The following PKIG variants were observed in gnomAD, a reference collection of about 807,000 sequenced individuals.
PKIG encodes the protein protein kinase (cAMP-dependent, catalytic) inhibitor gamma.
A neutral mutation model predicts 6.8 loss-of-function variants in PKIG; 1 was observed. That is an observed-to-expected ratio of 0.15 (90% CI 0.05 to 0.69). The LOEUF is 0.69. Among genes scored for constraint, PKIG ranks in the 30% least tolerant of loss-of-function variants. PKIG has a pLI of 0.82. For synonymous variants in PKIG, 39 were observed against 43.0 expected, an observed-to-expected ratio of 0.91 and a Z score of 0.36; for missense variants, 77 against 104.0, an observed-to-expected ratio of 0.74 and a Z score of 1.13.
intron 1 of PKIG, among the ~76,000 whole-genome samples, chr20:44,562,335 G>T (rs528620886): frequency 1.3e-5 from 2 of 152,212 alleles, no homozygotes; most frequent in African/African-American, 4.8e-5. Context: ...ATGAAAAAGA[G>T]GGGGCTGGGC....
In PKIG at chr20:44,554,227, A is replaced by G. The variant is rs138174352; in HGVS notation, c.-241+22249A>G. Among the ~76,000 whole-genome samples the G allele has an allele frequency of 8.8e-3, 1,337 of 151,634 alleles. 18 individuals are homozygous for G. Among genetic ancestry groups the G allele is most frequent in the East Asian group, 0.027 (141 of 5,156 alleles). ...CCAGTACCTGGGATTACAGGCACACACCACCATGCCTGGCTAATTTTTTTT... is the reference window on the plus strand; with the variant it reads ...CCAGTACCTGGGATTACAGGCACACGCCACCATGCCTGGCTAATTTTTTTT... On this transcript the variant is annotated intron_variant, in intron 1 of 4. Coordinates refer to the PKIG transcript ENST00000372887.
At chr20:44,546,965 T>C (rs1396479239) in intron 1 of PKIG, among the ~76,000 whole-genome samples, 1 of 152,232 alleles carries the variant, frequency 6.6e-6, no homozygotes, top group Non-Finnish European at 1.5e-5. Context: ...TTCAAACTTT[T>C]CTTTTTATAA....
At chr20:44,581,378 A>G (rs1438365088), upstream of PKIG, among the ~76,000 whole-genome samples, 1 of 152,226 alleles carries the variant, frequency 6.6e-6, no homozygotes, top group Non-Finnish European at 1.5e-5. Context: ...CCTAAAACAG[A>G]GGCACTAGTA....
intron 1 of PKIG, among the ~76,000 whole-genome samples, chr20:44,538,048 G>C (rs1318559618): frequency 2.0e-5 from 3 of 152,076 alleles, no homozygotes; most frequent in Non-Finnish European, 4.4e-5. Flanking sequence ...CCTTTTGAGA[G>C]AAAAAGGACA....
intron 1 of PKIG, among the ~76,000 whole-genome samples, chr20:44,533,191 T>G (rs1203620612): frequency 6.6e-6 from 1 of 152,202 alleles, no homozygotes; most frequent in Non-Finnish European, 1.5e-5. Flanking sequence ...TGTGACAGTG[T>G]GTGCGTGTAT....
At position 44,566,929 on chromosome 20, in the gene PKIG, T is replaced by C. The variant is rs558103828; in HGVS notation, c.-240-15656T>C. On this transcript the variant is annotated intron_variant, in intron 1 of 4. Transcript: ENST00000372887. ...CCACAAATCAGTTGTAACCCATAGG[T>C]ACATGAATAGGCATGTTCCATTCAT... is the stretch of plus-strand genomic sequence containing the variant. 2.5e-4 allele frequency among the ~76,000 whole-genome samples: 38 copies of C among 152,346 alleles called. 1 individual carries two copies. Among genetic ancestry groups the C allele is most frequent in the East Asian group, 1.2e-3 (6 of 5,192 alleles).
intron 1 of PKIG, among the ~76,000 whole-genome samples, chr20:44,539,513 T>C (rs1316688807): frequency 6.6e-6 from 1 of 151,550 alleles, no homozygotes; most frequent in Non-Finnish European, 1.5e-5. Flanking sequence ...TTGCCTCCCA[T>C]GTTCAAGCGA....
upstream of PKIG, among the ~76,000 whole-genome samples, chr20:44,579,913 TCAGCCAAAC>T (rs1430115244): frequency 2.0e-5 from 3 of 152,192 alleles, no homozygotes; most frequent in African/African-American, 7.2e-5. Flanking sequence ...GAATAAAGGC[TCAGCCAAAC>T]AATAGCCCTG....
intron 2 of PKIG, among the ~76,000 whole-genome samples, chr20:44,601,633 C>G (rs2065122482): frequency 6.6e-6 from 1 of 152,226 alleles, no homozygotes. Flanking sequence ...GCCCTTTCGT[C>G]CCTCAGAGAA....
At chr20:44,556,061 G>T (rs2064710209) in intron 1 of PKIG, among the ~76,000 whole-genome samples, 1 of 152,006 alleles carries the variant, frequency 6.6e-6, no homozygotes, top group Non-Finnish European at 1.5e-5. Context: ...GGATGGTCTC[G>T]ATCTCCTGAA....
At chr20:44,568,355 A>G (rs1374479514) in intron 1 of PKIG, among the ~76,000 whole-genome samples, 4 of 152,162 alleles carry the variant, frequency 2.6e-5, no homozygotes, top group African/African-American at 9.7e-5. Context: ...AATTACCCAC[A>G]GTGTCATCAT....
intron 2 of PKIG, among the ~76,000 whole-genome samples, chr20:44,605,806 G>A (rs1214218977): frequency 1.3e-5 from 2 of 152,070 alleles, no homozygotes; most frequent in Non-Finnish European, 2.9e-5. Flanking sequence ...CAGCTTCTCA[G>A]GAAGCTAAGC....
intron 1 of PKIG, among the ~76,000 whole-genome samples, chr20:44,572,480 A>G (rs1259914071): frequency 6.6e-6 from 1 of 152,170 alleles, no homozygotes; most frequent in East Asian, 1.9e-4. Flanking sequence ...TGCTCTTAAA[A>G]TGTGGTTTCT....
intron 1 of PKIG, among the ~76,000 whole-genome samples, chr20:44,571,067 A>G (rs1197233955): frequency 1.3e-5 from 2 of 151,914 alleles, no homozygotes; most frequent in Non-Finnish European, 2.9e-5. Flanking sequence ...AACCCCGTCT[A>G]TACTAAAAAT....
chr20:44,548,548 A>G (rs1021166359), intron 1 of PKIG, among the ~76,000 whole-genome samples: 2 of 152,198 alleles, frequency 1.3e-5, no homozygotes, highest in Non-Finnish European at 2.9e-5. Context: ...TGATAAAGGG[A>G]TAAAAATAGT....
At chr20:44,613,231 T>C (rs901037068) in intron 2 of PKIG, among the ~76,000 whole-genome samples, 1 of 152,242 alleles carries the variant, frequency 6.6e-6, no homozygotes, top group Non-Finnish European at 1.5e-5. Context: ...AGTGGCACAA[T>C]CTCGGCTCAC....
At chr20:44,583,345 CT>C (rs1269976571) in intron 1 of PKIG, among the ~76,000 whole-genome samples, 1 of 152,310 alleles carries the variant, frequency 6.6e-6, no homozygotes, top group African/African-American at 2.4e-5. Context: ...TAAAAATTTG[CT>C]GTTTATGCCT....
At chr20:44,542,873 G>A (rs1024435596) in intron 1 of PKIG, among the ~76,000 whole-genome samples, 12 of 152,298 alleles carry the variant, frequency 7.9e-5, no homozygotes, top group African/African-American at 2.9e-4. Context: ...GATTACAGGC[G>A]TGAGCCACTG....
At chr20:44,549,701 T>C (rs775270213) in intron 1 of PKIG, among the ~76,000 whole-genome samples, 17 of 152,162 alleles carry the variant, frequency 1.1e-4, no homozygotes, top group Admixed American at 7.2e-4. Flanking sequence ...ATCACATGCT[T>C]GTAGTCTCAG....
Sources: gnomAD v4.1 joint callset for allele counts (sites outside exome capture counted in the v4.1 genomes callset) on GRCh38, gnomAD v4.1.1 for gene constraint, MANE v1.5 for transcripts, NCBI Gene and HGNC (gene_info 2026-07-23, HGNC 2026-07-21) for gene names.